SMPDL3B: variants seen among roughly 807,000 people sequenced by gnomAD.
SMPDL3B encodes acid sphingomyelinase-like phosphodiesterase 3b.
A neutral mutation model predicts 37.9 loss-of-function variants in SMPDL3B; 31 were observed. That is an observed-to-expected ratio of 0.82 (90% CI 0.61 to 1.10). The LOEUF (loss-of-function observed/expected upper bound fraction) is 1.10, where lower values mean the gene tolerates loss of function less well. Among genes scored for constraint, SMPDL3B ranks in the 50% least tolerant of loss-of-function variants. The probability of loss-of-function intolerance (pLI) is 0.00; values close to 1 mark genes in which losing one functional copy is unlikely to be tolerated. For missense variants in SMPDL3B, 525 were observed against 597.8 expected, an observed-to-expected ratio of 0.88 and a Z score of 1.27; for synonymous variants, 235 against 242.6, an observed-to-expected ratio of 0.97 and a Z score of 0.29.
chr1:27,955,890 A>T, intron 6 of SMPDL3B, 26 bp downstream of exon 6: 2 of 1,611,458 alleles, frequency 1.2e-6, no homozygotes, highest in African/African-American at 2.7e-5. Flanking sequence ...GGCAACTGCC[A>T]GCTCCCTCCC....
intron 1 of SMPDL3B, among the ~76,000 whole-genome samples, chr1:27,941,000 T>C (rs2090352929): frequency 6.6e-6 from 1 of 152,218 alleles, no homozygotes; most frequent in Admixed American, 6.5e-5. Flanking sequence ...CAACATCCTC[T>C]AGCTCAGTGA....
rs929264687 is a variant in SMPDL3B, at chr1:27,945,642, C to T, written c.275+197C>T. On this transcript the variant is annotated intron_variant, in intron 2 of 7. Coordinates refer to ENST00000373894, the MANE Select transcript of SMPDL3B (RefSeq NM_014474.4). This position sits in a 1 kb window ranked among gnomAD's most constrained non-coding sequence, Gnocchi z 4.0. ...CAACTGATTCCACAGTCTGTGTCCT[C>T]GACCTCCATGTCTCCTGGCTGTGGC... 6.6e-6 allele frequency among the ~76,000 whole-genome samples: 1 copy of T among 152,208 alleles called. No homozygotes were observed. Among genetic ancestry groups the T allele is most frequent in the Non-Finnish European group, 1.5e-5 (1 of 68,040 alleles).
At chr1:27,948,753 A>G (rs1483208386) in intron 2 of SMPDL3B, among the ~76,000 whole-genome samples, 1 of 152,250 alleles carries the variant, frequency 6.6e-6, no homozygotes, top group African/African-American at 2.4e-5. Flanking sequence ...TATTATGTAT[A>G]TAATTTTCCT....
rs2090468689 is a variant in SMPDL3B at position 27,953,242 on chromosome 1, A to G, written c.401A>G (p.Asn134Ser). The change falls in exon 4 of 8, where the codon AAT (asparagine) becomes AGT (serine). Residue 134 changes from asparagine to serine, a missense_variant. Coordinates refer to ENST00000373894, the MANE Select transcript of SMPDL3B (RefSeq NM_014474.4). Reference sequence around the variant, plus strand: ...ACTAAAGTCTATGCTGCTTTGGGAAATCATGATTTTCACCCCAAAAACCAG... The same window carrying G: ...ACTAAAGTCTATGCTGCTTTGGGAAGTCATGATTTTCACCCCAAAAACCAG... ...PDTKVYAALG[N>S]HDFHPKNQFP... 1.9e-6 allele frequency: 3 copies of G among 1,613,708 alleles called. No individual in the cohort carries two copies. Among genetic ancestry groups the G allele is most frequent in the Non-Finnish European group, 2.5e-6 (3 of 1,179,676 alleles).
At chr1:27,940,227 A>T (rs2090345464) in intron 1 of SMPDL3B, among the ~76,000 whole-genome samples, 1 of 152,152 alleles carries the variant, frequency 6.6e-6, no homozygotes, top group South Asian at 2.1e-4. Context: ...AGAGATGGTC[A>T]TCTGGGGCAG....
intron 7 of SMPDL3B, among the ~76,000 whole-genome samples, chr1:27,957,933 G>A (rs1201774612): frequency 1.3e-5 from 2 of 152,160 alleles, no homozygotes; most frequent in African/African-American, 4.8e-5. Context: ...CATGCATACG[G>A]GCAGCTCCTC....
chr1:27,952,254 G>A (rs1051465102), intron 3 of SMPDL3B, among the ~76,000 whole-genome samples: 4 of 151,960 alleles, frequency 2.6e-5, no homozygotes, highest in Non-Finnish European at 4.4e-5. Flanking sequence ...ACAGTGATGC[G>A]TTTTGACAAC....
chr1:27,958,518 C>T lies in SMPDL3B; in HGVS notation c.1048C>T (p.Gln350Ter), dbSNP rs769744135. ...YFMNLSQANA[Q>*]GTPRWELEYQ... ...CATGAACCTGAGCCAGGCGAATGCT[C>T]AGGGGACGCCGCGCTGGGAGCTCGA... Residue 350 changes from glutamine (Q) to a stop codon, truncating the protein, a stop_gained, in exon 8 of 8, where the codon CAG becomes TAG. Coordinates refer to ENST00000373894, the MANE Select transcript of SMPDL3B (RefSeq NM_014474.4). LOFTEE classifies it low-confidence loss of function (END_TRUNC). This position sits in a 1 kb window ranked among gnomAD's most constrained non-coding sequence, Gnocchi z 5.6. 2.5e-6 allele frequency: 4 copies of T among 1,613,294 alleles called. No homozygotes were observed. Among genetic ancestry groups the T allele is most frequent in the East Asian group, 2.2e-5 (1 of 44,872 alleles).
In SMPDL3B at chr1:27,953,364, A is replaced by G. The variant is rs369445134; in HGVS notation, c.517+6A>G. On this transcript the variant is annotated splice_donor_region_variant and intron_variant, in intron 4 of 7. Coordinates refer to ENST00000373894, the MANE Select transcript of SMPDL3B (RefSeq NM_014474.4). The stretch of plus-strand genomic sequence containing the variant: ...CATCGCTCTCTTCAAAAAAGGTACC[A>G]ACACCACCTGCTCCTATCAAGAGCA... 2.9e-5 allele frequency: 46 copies of G among 1,608,390 alleles called. No individual in the cohort carries two copies. Among genetic ancestry groups the G allele is most frequent in the Non-Finnish European group, 3.7e-5 (43 of 1,177,714 alleles).
intron 3 of SMPDL3B, among the ~76,000 whole-genome samples, chr1:27,952,151 C>G (rs2090460241): frequency 6.7e-6 from 1 of 149,014 alleles, no homozygotes; most frequent in Non-Finnish European, 1.5e-5. Flanking sequence ...GAGTGAGTCC[C>G]TCCCTTCTCA....
chr1:27,948,526 C>A (rs1466608611), intron 2 of SMPDL3B, among the ~76,000 whole-genome samples: 1 of 152,038 alleles, frequency 6.6e-6, no homozygotes, highest in African/African-American at 2.4e-5. Context: ...GCACAGTGGT[C>A]CCAGGGCAGA....
Position 27,958,811 on chromosome 1 carries a change from G to C in SMPDL3B, c.1341G>C (p.Leu447=). ...AGCTCCCGCTGCTGCTGATGGCCCT[G>C]CTGGGCCTGTGCACGCTCGTGCTGT... ...VPQLPLLLMA[L]LGLCTLVL is the part of the protein sequence containing the mutation. The change falls in exon 8 of 8, where the codon CTG becomes CTC. Residue 447 remains leucine, a synonymous_variant. Coordinates refer to ENST00000373894, the MANE Select transcript of SMPDL3B (RefSeq NM_014474.4). This position sits in a 1 kb window ranked among gnomAD's most constrained non-coding sequence, Gnocchi z 5.6. The C allele has an allele frequency of 1.9e-6, 3 of 1,604,210 alleles. No homozygotes were observed. Among genetic ancestry groups the C allele is most frequent in the Admixed American group, 1.7e-5 (1 of 59,546 alleles).
chr1:27,940,916 G>A (rs955329924), intron 1 of SMPDL3B, among the ~76,000 whole-genome samples: 3 of 152,124 alleles, frequency 2.0e-5, no homozygotes, highest in African/African-American at 4.8e-5. Context: ...GGTATGGTGC[G>A]TTGGGATTGT....
intron 1 of SMPDL3B, among the ~76,000 whole-genome samples, chr1:27,943,230 G>A (rs1053147475): frequency 2.0e-5 from 3 of 152,168 alleles, no homozygotes; most frequent in African/African-American, 7.2e-5. Context: ...CTGTAAAGTG[G>A]GATAATGTTC....
chr1:27,941,928 G>A (rs1228779765), intron 1 of SMPDL3B, among the ~76,000 whole-genome samples: 2 of 152,188 alleles, frequency 1.3e-5, no homozygotes, highest in East Asian at 1.9e-4. Flanking sequence ...GGAGCTGCCC[G>A]CCTGGACCTC....
At chr1:27,956,891 G>A (rs1352566927) in intron 7 of SMPDL3B, among the ~76,000 whole-genome samples, 1 of 152,050 alleles carries the variant, frequency 6.6e-6, no homozygotes, top group Non-Finnish European at 1.5e-5. Flanking sequence ...GGTGCCATTT[G>A]AGTTCTGAGT....
rs1296549460 is a variant in SMPDL3B, at chr1:27,957,798, A to C, written c.1006-678A>C. 2.4e-4 allele frequency among the ~76,000 whole-genome samples: 36 copies of C among 152,172 alleles called. 1 individual carries two copies. Among genetic ancestry groups the C allele is most frequent in the Admixed American group, 2.4e-3 (36 of 15,276 alleles). On this transcript the variant is annotated intron_variant, in intron 7 of 7. Coordinates refer to ENST00000373894, the MANE Select transcript of SMPDL3B (RefSeq NM_014474.4). ...AGCTTGAATCCTGGCTCCACCACTC[A>C]TAAGCTTTTTGATCTTTTGACCTCT...
At chr1:27,956,981 C>T (rs1195361718) in intron 7 of SMPDL3B, among the ~76,000 whole-genome samples, 2 of 151,442 alleles carry the variant, frequency 1.3e-5, no homozygotes, top group African/African-American at 2.4e-5. Context: ...TGGGAATGTG[C>T]GTGGTAGGTT....
At chr1:27,944,814 G>T (rs561067011) in intron 1 of SMPDL3B, among the ~76,000 whole-genome samples, 20 of 151,786 alleles carry the variant, frequency 1.3e-4, no homozygotes, top group African/African-American at 3.9e-4. Flanking sequence ...CAGCATGAGA[G>T]GATATGGCTC....
Sources: gnomAD v4.1 joint callset for allele counts (sites outside exome capture counted in the v4.1 genomes callset) on GRCh38, gnomAD v4.1.1 for gene constraint, Gnocchi (gnomAD v3.1) non-coding constraint, MANE v1.5 for transcripts, NCBI Gene and HGNC (gene_info 2026-07-23, HGNC 2026-07-21) for gene names.